SLC25A48: variants seen among roughly 807,000 people sequenced by gnomAD.
The protein encoded by SLC25A48 is CTC-321K16.1.
A neutral mutation model predicts 32.2 loss-of-function variants in SLC25A48; 29 were observed. The ratio of observed to expected loss-of-function variants is 0.90; its 90% CI spans 0.67 to 1.23. The LOEUF (loss-of-function observed/expected upper bound fraction) is 1.23. SLC25A48 is among the 50% of genes most tolerant of loss of function. SLC25A48 has a pLI of 0.00. For missense variants in SLC25A48, 399 were observed against 422.7 expected (o/e 0.94, Z 0.49); for synonymous variants, 164 against 172.3 (o/e 0.95, Z 0.38).
chr5:135,816,006 TG>T (rs1285117302), intron 4 of SLC25A48, among the ~76,000 whole-genome samples: 3 of 152,198 alleles, frequency 2.0e-5, no homozygotes, highest in African/African-American at 7.2e-5. Context: ...TCCATATGGC[TG>T]GGGAGGCCTC....
In SLC25A48 at chr5:135,721,192, C is replaced by CTTTT. The variant is rs757412641; in HGVS notation, c.-521+86262_-521+86265dup. ...GAGTAGCTGGGACACCATGCCTGGC[C>CTTTT]TTTTTTTTTTTTTTTTTTTTTTTTT... On this transcript the variant is annotated intron_variant, in intron 3 of 10. Coordinates refer to the SLC25A48 transcript ENST00000646290. Among the ~76,000 whole-genome samples, 60 of 53,886 alleles carry CTTTT rather than the reference C, an allele frequency of 1.1e-3. 10 individuals carry two copies. Among genetic ancestry groups the CTTTT allele is most frequent in the African/African-American group, 2.4e-3 (41 of 16,792 alleles). The allele number at this position is 53,886 out of a possible 152,430, so 35.4% of individuals were successfully genotyped here. A position where few individuals can be genotyped will look rare whatever the true frequency, so the allele number is the denominator to read the frequency against.
intron 4 of SLC25A48, among the ~76,000 whole-genome samples, chr5:135,853,758 C>T (rs1337121609): frequency 1.3e-5 from 2 of 152,200 alleles, no homozygotes; most frequent in Non-Finnish European, 2.9e-5. Flanking sequence ...TTGACCTCCT[C>T]CCATGAACCC....
chr5:135,600,393 C>T (rs1209473338), intron 1 of SLC25A48, among the ~76,000 whole-genome samples: 4 of 152,164 alleles, frequency 2.6e-5, no homozygotes, highest in Non-Finnish European at 4.4e-5. Context: ...TGCTGGAGTC[C>T]TTTGAGGGGG....
chr5:135,668,104 T>A (rs1753566101), intron 3 of SLC25A48, among the ~76,000 whole-genome samples: 1 of 152,206 alleles, frequency 6.6e-6, no homozygotes. Flanking sequence ...ATTCACACTC[T>A]AAGATGTCAT....
intron 1 of SLC25A48, among the ~76,000 whole-genome samples, chr5:135,581,889 C>T (rs1047538082): frequency 1.3e-5 from 2 of 150,982 alleles, no homozygotes; most frequent in Non-Finnish European, 1.5e-5. Flanking sequence ...GGGGGCTTGG[C>T]CCCTGACACA....
chr5:135,776,732 G>A (rs1396492197), intron 3 of SLC25A48, among the ~76,000 whole-genome samples: 1 of 151,200 alleles, frequency 6.6e-6, no homozygotes, highest in Admixed American at 6.6e-5. Context: ...AAAACCCGGG[G>A]GGTGGGGAAA....
At chr5:135,799,531 C>T (rs188348179) in intron 3 of SLC25A48, among the ~76,000 whole-genome samples, 29 of 151,438 alleles carry the variant, frequency 1.9e-4, no homozygotes, top group East Asian at 5.8e-4. Context: ...TTCCCATTAT[C>T]GAAGGATGTG....
chr5:135,660,009 A>G (rs1753356720), intron 3 of SLC25A48, among the ~76,000 whole-genome samples: 1 of 152,202 alleles, frequency 6.6e-6, no homozygotes, highest in Non-Finnish European at 1.5e-5. Context: ...TTGAAGCACA[A>G]ATGGTTTTGG....
chr5:135,872,167 G>T, intron 5 of SLC25A48: 2 of 249,786 alleles, frequency 8.0e-6, no homozygotes, highest in Non-Finnish European at 1.2e-5. Flanking sequence ...TGACAGTATA[G>T]CAGGACTCTG....
chr5:135,609,833 C>T (rs1488603229), intron 1 of SLC25A48: 1 of 152,138 alleles, frequency 6.6e-6, no homozygotes, highest in African/African-American at 2.4e-5. Flanking sequence ...TTGCAGATAT[C>T]TCTAGAAGGA....
Position 135,734,712 on chromosome 5 carries a change from G to A in SLC25A48, c.-520-77811G>A, listed in dbSNP as rs184876969. On this transcript the variant is annotated intron_variant, in intron 3 of 10. Coordinates refer to the SLC25A48 transcript ENST00000646290. ...GGTGCCTGTAGTCCCAGCTACTCAG[G>A]AGGCTGAGGCAGGAGAGTGGCGTGA... is the stretch of plus-strand genomic sequence containing the variant. 1.0e-2 allele frequency among the ~76,000 whole-genome samples: 1,516 copies of A among 152,028 alleles called. 31 individuals carry two copies. The highest frequency in any genetic ancestry group is 0.034 in the African/African-American group (1,424 of 41,460).
chr5:135,883,484 A>G (rs1762612163), intron 7 of SLC25A48: 1 of 985,386 alleles, frequency 1.0e-6, no homozygotes. Context: ...GCCTCTGCCT[A>G]GCTTCCAAGA....
intron 3 of SLC25A48, among the ~76,000 whole-genome samples, chr5:135,795,253 T>A (rs1459998596): frequency 6.6e-6 from 1 of 151,820 alleles, no homozygotes; most frequent in African/African-American, 2.4e-5. Context: ...TCGCAGAAGG[T>A]GTACACCCCA....
At chr5:135,775,003 G>A (rs556238522) in intron 3 of SLC25A48, among the ~76,000 whole-genome samples, 12 of 151,554 alleles carry the variant, frequency 7.9e-5, no homozygotes, top group African/African-American at 2.7e-4. Context: ...TAATATCCAG[G>A]GGGTGACAAT....
intron 3 of SLC25A48, among the ~76,000 whole-genome samples, chr5:135,658,701 A>T (rs1753314634): frequency 6.6e-6 from 1 of 152,210 alleles, no homozygotes; most frequent in African/African-American, 2.4e-5. Context: ...GTATTCCCAT[A>T]AATCCTTTGA....
intron 3 of SLC25A48, among the ~76,000 whole-genome samples, chr5:135,772,566 A>G (rs1756442009): frequency 6.6e-6 from 1 of 151,648 alleles, no homozygotes; most frequent in South Asian, 2.1e-4. Flanking sequence ...GGGTGAGATG[A>G]TAATATTACT....
At chr5:135,739,989 C>A (rs1755463036) in intron 3 of SLC25A48, among the ~76,000 whole-genome samples, 1 of 152,070 alleles carries the variant, frequency 6.6e-6, no homozygotes. Context: ...AAGCCCATCC[C>A]CAGTGAGCTG....
intron 2 of SLC25A48, among the ~76,000 whole-genome samples, chr5:135,632,365 C>G (rs1196332206): frequency 1.3e-5 from 2 of 152,076 alleles, no homozygotes; most frequent in Non-Finnish European, 2.9e-5. Flanking sequence ...ATATGTTTAC[C>G]CAGGTGGGAG....
intron 1 of SLC25A48, among the ~76,000 whole-genome samples, chr5:135,592,094 T>C (rs959360146): frequency 5.9e-5 from 9 of 152,198 alleles, no homozygotes; most frequent in African/African-American, 1.9e-4. Context: ...GTTAGAGGAC[T>C]GACTGGCCCA....
Sources: allele counts gnomAD v4.1 joint callset (sites outside exome capture counted in the v4.1 genomes callset), GRCh38; gene constraint gnomAD v4.1.1; transcripts MANE v1.5; gene names NCBI Gene and HGNC (gene_info 2026-07-23, HGNC 2026-07-21).